The following TRPM6 variants were observed in gnomAD, a reference collection of about 807,000 sequenced individuals.
TRPM6 encodes channel kinase 2.
In TRPM6, 111 loss-of-function variants were observed where a neutral mutation model predicts 247.6. The ratio of observed to expected loss-of-function variants is 0.45; its 90% CI spans 0.38 to 0.52. The LOEUF is 0.52. Among genes scored for constraint, TRPM6 ranks in the 20% least tolerant of loss-of-function variants. The probability of loss-of-function intolerance (pLI) is 0.00; values close to 1 mark genes in which losing one functional copy is unlikely to be tolerated. For missense variants in TRPM6, 2,126 were observed against 2,421.5 expected (o/e 0.88, Z 2.56); for synonymous variants, 892 against 853.8 (o/e 1.04, Z -0.78).
chr9:74,783,284 G>A (rs936069881), intron 21 of TRPM6, among the ~76,000 whole-genome samples: 21 of 152,142 alleles, frequency 1.4e-4, no homozygotes, highest in African/African-American at 4.6e-4. Flanking sequence ...AACTGATCAA[G>A]CCAGTTTAAT....
chr9:74,796,694 T>C (rs368121611), intron 18 of TRPM6, 47 bp downstream of exon 18: 8 of 1,595,096 alleles, frequency 5.0e-6, no homozygotes, highest in African/African-American at 1.3e-5. Context: ...TATATTTGCG[T>C]GCAGTCAATA....
chr9:74,796,277 G>A (rs1021674840), intron 18 of TRPM6, among the ~76,000 whole-genome samples: 1 of 152,196 alleles, frequency 6.6e-6, no homozygotes, highest in South Asian at 2.1e-4. Context: ...TTGAACAATG[G>A]TGAGATATTG....
chr9:74,794,882 C>T (rs566619843), intron 18 of TRPM6, among the ~76,000 whole-genome samples: 1 of 145,452 alleles, frequency 6.9e-6, no homozygotes, highest in South Asian at 2.2e-4. Flanking sequence ...ACCCCCTGAC[C>T]ACCCCACACT....
intron 1 of TRPM6, among the ~76,000 whole-genome samples, chr9:74,867,104 A>G (rs2118429806): frequency 6.6e-6 from 1 of 152,330 alleles, no homozygotes; most frequent in African/African-American, 2.4e-5. Flanking sequence ...AATCCTTTGC[A>G]ATAAGTGGTT....
chr9:74,863,190 G>T (rs974166387), intron 1 of TRPM6, among the ~76,000 whole-genome samples: 20 of 151,764 alleles, frequency 1.3e-4, no homozygotes, highest in Middle Eastern at 6.8e-3. Flanking sequence ...GGGATTACAG[G>T]TTCCTGCCAC....
chr9:74,727,875 G>T (rs1197934078), intron 38 of TRPM6, among the ~76,000 whole-genome samples: 1 of 152,108 alleles, frequency 6.6e-6, no homozygotes, highest in Non-Finnish European at 1.5e-5. Context: ...ATAGAAATGC[G>T]GTGGCCAACA....
chr9:74,760,184 T>C lies in TRPM6; in HGVS notation c.4785+1512A>G, dbSNP rs1187289264. On this transcript the variant is annotated intron_variant, in intron 27 of 38. Transcript: ENST00000360774. ...TCTACAGTAGTATACAGTAATGCTCTAGGCCTTTGCATTCACTCACCGCTC... is the reference window on the plus strand; with the variant it reads ...TCTACAGTAGTATACAGTAATGCTCCAGGCCTTTGCATTCACTCACCGCTC... 2.0e-5 allele frequency among the ~76,000 whole-genome samples: 3 copies of C among 152,228 alleles called. No individual in the cohort carries two copies. The East Asian group carries it at 5.8e-4, about 29-fold the overall frequency.
intron 13 of TRPM6, 42 bp downstream of exon 13, chr9:74,810,773 G>A (rs917784228): frequency 1.6e-5 from 25 of 1,576,540 alleles, no homozygotes; most frequent in Non-Finnish European, 2.2e-5. Flanking sequence ...CAAAGCTAAG[G>A]CAATACACAA....
chr9:74,742,395 T>A (rs1420959672), intron 33 of TRPM6, among the ~76,000 whole-genome samples, 166 bp downstream of exon 33: 3 of 152,224 alleles, frequency 2.0e-5, no homozygotes, highest in African/African-American at 7.2e-5. Context: ...ATGCTGGCCA[T>A]GACAGTTAAC....
rs1235321140 is a variant in TRPM6, at chr9:74,842,259, TTC to T, written c.235_236del (p.Glu79ThrfsTer5). On this transcript the variant is annotated frameshift_variant, in exon 4 of 39. Transcript: ENST00000360774. LOFTEE classifies it high-confidence loss of function. The part of the protein sequence containing the change: ...TISAAKGKES[E>X]QWSVEKHTTK... ...TTGTGTGCTTTTCAACAGACCATTG[TTC>T]ACTTTCTTTACCCTTGGCAGCTGAG... is the stretch of plus-strand genomic sequence containing the variant. The T allele has an allele frequency of 6.2e-7, 1 of 1,614,178 alleles. No homozygotes were observed. Among genetic ancestry groups the T allele is most frequent in the Non-Finnish European group, 8.5e-7 (1 of 1,180,032 alleles).
chr9:74,813,317 G>C (rs1324761479), intron 11 of TRPM6, among the ~76,000 whole-genome samples: 1 of 152,236 alleles, frequency 6.6e-6, no homozygotes, highest in Admixed American at 6.5e-5. Context: ...ATAATTGACT[G>C]AGCAGTCACC....
chr9:74,792,885 G>A (rs762846280), intron 18 of TRPM6, 115 bp from the exon 19 acceptor site: 64 of 1,035,652 alleles, frequency 6.2e-5, no homozygotes, highest in Non-Finnish European at 7.0e-5. Context: ...GGCTGGGGGC[G>A]GTGGCTCACA....
intron 4 of TRPM6, 113 bp downstream of exon 4, chr9:74,842,053 G>C: frequency 8.5e-7 from 1 of 1,182,446 alleles, no homozygotes; most frequent in Non-Finnish European, 1.2e-6. Flanking sequence ...AGAGGTTGCA[G>C]TGCGCCGAGA....
At chr9:74,859,901 A>C (rs984947495) in intron 1 of TRPM6, among the ~76,000 whole-genome samples, 17 of 152,042 alleles carry the variant, frequency 1.1e-4, no homozygotes, top group African/African-American at 4.1e-4. Flanking sequence ...TCCCCACCTC[A>C]CTCATATCTA....
In TRPM6 at chr9:74,800,470, C is replaced by G. The variant is rs1324142614; in HGVS notation, c.2022G>C (p.Gln674His). 8.1e-6 allele frequency: 13 copies of G among 1,613,920 alleles called. 1 individual carries two copies. The South Asian group carries it at 1.3e-4, about 16-fold the overall frequency. ...CCTTCTCCAACAAGTCCAGAGCCAG[C>G]TGGCCAAACTGTCTGCCATGAGGGT... ...ELKNYSKQFGQLALDLLEKAF... is the reference protein window; with the variant it reads ...ELKNYSKQFGHLALDLLEKAF... The change falls in exon 17 of 39, where the codon CAG becomes CAC. Residue 674 changes from glutamine to histidine, a missense_variant. Transcript: ENST00000360774.
chr9:74,764,185 A>T (rs1416652864), intron 25 of TRPM6, among the ~76,000 whole-genome samples: 11 of 152,018 alleles, frequency 7.2e-5, no homozygotes, highest in Admixed American at 6.6e-4. Context: ...TTGTCTGTAC[A>T]TTTCTTTGTA....
chr9:74,726,371 G>A lies in TRPM6; in HGVS notation c.5936-1625C>T, dbSNP rs563185889. On this transcript the variant is annotated intron_variant, in intron 38 of 38. Coordinates refer to ENST00000360774, the MANE Select transcript of TRPM6 (RefSeq NM_017662.5). ...CTAAAAATACAAAAATTAGCTGGGC[G>A]TGGTGGCGGGCGCCTGTAATCCCAG... Among the ~76,000 whole-genome samples the A allele has an allele frequency of 4.6e-5, 7 of 152,190 alleles. No homozygotes were observed. The South Asian group carries it at 6.2e-4, about 14-fold the overall frequency.
chr9:74,873,778 T>A (rs1306098679), intron 1 of TRPM6, among the ~76,000 whole-genome samples: 1 of 151,972 alleles, frequency 6.6e-6, no homozygotes, highest in African/African-American at 2.4e-5. Context: ...CAGAAAAAAA[T>A]CTTTTAATTT....
chr9:74,883,883 C>T (rs953273071), intron 1 of TRPM6, among the ~76,000 whole-genome samples: 2 of 152,174 alleles, frequency 1.3e-5, no homozygotes, highest in Non-Finnish European at 1.5e-5. Flanking sequence ...GGTGCAGTGG[C>T]TCATGCCTGT....
Sources: allele counts gnomAD v4.1 joint callset (sites outside exome capture counted in the v4.1 genomes callset), GRCh38; gene constraint gnomAD v4.1.1; transcripts MANE v1.5; gene names NCBI Gene and HGNC (gene_info 2026-07-23, HGNC 2026-07-21).